Variants in RBL1 observed in about 807,000 individuals in gnomAD.
The protein encoded by RBL1 is RB transcriptional corepressor like 1, also known as retinoblastoma-like protein 1.
A neutral mutation model predicts 123.0 loss-of-function variants in RBL1; 82 were observed. The observed-to-expected ratio is 0.67, with a 90% CI of 0.56 to 0.80. RBL1 has a LOEUF of 0.80. RBL1 is among the 30% of genes least tolerant of loss of function. The probability of loss-of-function intolerance (pLI) is 0.00; values close to 1 mark genes in which losing one functional copy is unlikely to be tolerated. For synonymous variants in RBL1, 405 were observed against 441.3 expected, an observed-to-expected ratio of 0.92 and a Z score of 1.03; for missense variants, 1,171 against 1,299.6, an observed-to-expected ratio of 0.90 and a Z score of 1.52.
intron 9 of RBL1, among the ~76,000 whole-genome samples, chr20:37,057,112 CTT>C (rs1414953826): frequency 6.6e-6 from 1 of 152,140 alleles, no homozygotes; most frequent in African/African-American, 2.4e-5. Context: ...TCAATGGACA[CTT>C]AAGGTGTTTC....
Position 37,062,144 on chromosome 20 carries a change from T to C in RBL1, c.1023A>G (p.Pro341=). The part of the protein sequence containing the change: ...GTPRKFTRDT[P]LGKLTAQANV... ...TAGCCTGTGCTGTCAGTTTCCCTAA[T>C]GGGGTGTCACGAGTGAACTTTCGAG... Residue 341 remains proline, a synonymous_variant, in exon 8 of 22, where the codon CCA becomes CCG. Transcript: ENST00000373664. 2.5e-6 allele frequency: 4 copies of C among 1,614,196 alleles called. No homozygotes were observed. The highest frequency in any genetic ancestry group is 1.3e-5 in the African/African-American group (1 of 75,062).
chr20:37,000,679 G>GCGGGGGGGTC, intron 21 of RBL1, among the ~76,000 whole-genome samples: 1 of 118,416 alleles, frequency 8.4e-6, no homozygotes, highest in African/African-American at 3.5e-5. Flanking sequence ...GGGAAGAGAG[G>GCGGGGGGGTC]AGCCCCTCTG....
rs2064093179 is a variant in RBL1 at position 37,007,473 on chromosome 20, T to C, written c.2809A>G (p.Ile937Val). The C allele has an allele frequency of 6.2e-7, 1 of 1,613,876 alleles. No homozygotes were observed. The highest frequency in any genetic ancestry group is 1.1e-5 in the South Asian group (1 of 91,066). ...RGDLIKFYNT[I>V]YVGRVKSFAL... is the part of the protein sequence containing the mutation. ...AATGACTTCACTCTTCCTACATATA[T>C]TGTATTGTAAAATTTTATAAGATCA... The change falls in exon 20 of 22, where the codon ATA becomes GTA. Residue 937 changes from isoleucine (I) to valine (V), a missense_variant. Coordinates refer to ENST00000373664, the MANE Select transcript of RBL1 (RefSeq NM_002895.5).
chr20:37,032,983 G>T (rs1193252080), intron 15 of RBL1, 107 bp from the exon 16 acceptor site: 8 of 1,421,240 alleles, frequency 5.6e-6, no homozygotes, highest in African/African-American at 1.5e-5. Flanking sequence ...GTATAAGAAG[G>T]CTACAAAATA....
intron 16 of RBL1, among the ~76,000 whole-genome samples, chr20:37,024,160 C>G (rs1344815437): frequency 6.6e-6 from 1 of 151,986 alleles, no homozygotes; most frequent in Non-Finnish European, 1.5e-5. Context: ...CAGAAAAATA[C>G]CTACAAACCG....
chr20:37,043,646 C>G (rs1037596169), intron 13 of RBL1, among the ~76,000 whole-genome samples: 1 of 151,976 alleles, frequency 6.6e-6, no homozygotes, highest in Admixed American at 6.6e-5. Flanking sequence ...CACACCAGCC[C>G]GGGCAAGAGT....
intron 16 of RBL1, among the ~76,000 whole-genome samples, chr20:37,023,461 A>C (rs570979051): frequency 7.2e-5 from 11 of 152,206 alleles, no homozygotes; most frequent in Admixed American, 3.9e-4. Flanking sequence ...GTCTCTGTCT[A>C]TTCTCTTTGG....
chr20:37,001,918 T>TAAAAACAAA (rs2063988014), intron 21 of RBL1, among the ~76,000 whole-genome samples: 1 of 86,544 alleles, frequency 1.2e-5, no homozygotes, highest in African/African-American at 4.4e-5. Context: ...TGCAGAACAA[T>TAAAAACAAA]AAAAAAAAAA....
In RBL1 at chr20:37,035,229, A is replaced by G; in HGVS notation, c.2170+13T>C. 6.2e-7 allele frequency: 1 copy of G among 1,603,874 alleles called. No individual in the cohort carries two copies. Among genetic ancestry groups the G allele is most frequent in the Non-Finnish European group, 8.5e-7 (1 of 1,173,624 alleles). On this transcript the variant is annotated intron_variant, in intron 15 of 21. Transcript: ENST00000373664. ...CTCAGAAAAAGTACAAAACAAATGCACTATAACGTTACCATGTAATGGAAT... is the reference window on the plus strand; with the variant it reads ...CTCAGAAAAAGTACAAAACAAATGCGCTATAACGTTACCATGTAATGGAAT...
chr20:37,085,200 C>T (rs2065521367), intron 2 of RBL1, among the ~76,000 whole-genome samples: 1 of 148,904 alleles, frequency 6.7e-6, no homozygotes, highest in Non-Finnish European at 1.5e-5. Flanking sequence ...GGCACGATCT[C>T]TGCTAGCTGC....
chr20:36,999,914 C>T (rs1432530511), intron 21 of RBL1, among the ~76,000 whole-genome samples: 1 of 151,970 alleles, frequency 6.6e-6, no homozygotes, highest in Non-Finnish European at 1.5e-5. Flanking sequence ...CGGCCGCCAC[C>T]CCGTCTGGGA....
chr20:37,088,418 G>C (rs1390619154), intron 2 of RBL1, among the ~76,000 whole-genome samples: 1 of 152,120 alleles, frequency 6.6e-6, no homozygotes, highest in African/African-American at 2.4e-5. Context: ...TAACTTCTCT[G>C]TAAGCCTAAA....
At chr20:37,020,851 A>C in intron 17 of RBL1, 121 bp from the exon 18 acceptor site, 1 of 613,190 alleles carries the variant, frequency 1.6e-6, no homozygotes, top group Non-Finnish European at 2.8e-6. Flanking sequence ...ACCCCAGGCC[A>C]GTCCATGACT....
chr20:37,018,262 T>G lies in RBL1; in HGVS notation c.2722+17A>C, dbSNP rs192811502. 1.7e-5 allele frequency: 27 copies of G among 1,597,914 alleles called. No individual in the cohort carries two copies. In the East Asian group the frequency reaches 5.4e-4, roughly 32 times the overall value. ...CCAATGTGTTTTACATATAATATGT[T>G]AAATTGGATAACTTACCACAATCTA... On this transcript the variant is annotated intron_variant, in intron 19 of 21. Transcript: ENST00000373664.
intron 11 of RBL1, among the ~76,000 whole-genome samples, chr20:37,054,410 C>A (rs765271995): frequency 3.3e-5 from 5 of 151,564 alleles, no homozygotes; most frequent in Admixed American, 2.0e-4. Context: ...CTTGAACTCG[C>A]GAGGCGGAGG....
chr20:37,018,768 T>C (rs2064295608), intron 18 of RBL1, among the ~76,000 whole-genome samples: 1 of 152,078 alleles, frequency 6.6e-6, no homozygotes, highest in South Asian at 2.1e-4. Flanking sequence ...CTGGCCAACA[T>C]GGTGAAAGCC....
At position 37,030,543 on chromosome 20, in the gene RBL1, AC is replaced by A. The variant is rs879307052; in HGVS notation, c.2382+2121del. Among the ~76,000 whole-genome samples the A allele has an allele frequency of 7.3e-5, 11 of 151,406 alleles. 1 individual carries two copies. In the South Asian group the frequency reaches 1.7e-3, roughly 23 times the overall value. ...AGACCAGCCTGGGCAACATGGTGAA[AC>A]CCCGTCTCTACAAAAAAGTTCAAAA... On this transcript the variant is annotated intron_variant, in intron 16 of 21. Coordinates refer to ENST00000373664, the MANE Select transcript of RBL1 (RefSeq NM_002895.5).
intron 9 of RBL1, among the ~76,000 whole-genome samples, chr20:37,060,203 A>AATAAATAT (rs1396601040): frequency 2.0e-5 from 3 of 151,716 alleles, no homozygotes; most frequent in Non-Finnish European, 2.9e-5. Context: ...TAAATAAATA[A>AATAAATAT]ATAAATAAAT....
chr20:37,083,376 G>A (rs1315168212), intron 2 of RBL1, among the ~76,000 whole-genome samples: 1 of 152,052 alleles, frequency 6.6e-6, no homozygotes, highest in African/African-American at 2.4e-5. Context: ...GGCGTGGTGG[G>A]AGGATCACTT....
Sources: allele counts gnomAD v4.1 joint callset (sites outside exome capture counted in the v4.1 genomes callset), GRCh38; gene constraint gnomAD v4.1.1; transcripts MANE v1.5; gene names NCBI Gene and HGNC (gene_info 2026-07-23, HGNC 2026-07-21).